RGS7: variants seen among roughly 807,000 people sequenced by gnomAD.
RGS7 encodes the protein regulator of G protein signaling 7.
A neutral mutation model predicts 81.1 loss-of-function variants in RGS7; 27 were observed. The observed-to-expected ratio is 0.33, with a 90% CI of 0.25 to 0.46. The LOEUF is 0.46. Ranked by LOEUF, RGS7 falls within the 20% of genes least tolerant of loss-of-function variation. The pLI is 1.00. For missense variants in RGS7, 396 were observed against 607.4 expected (o/e 0.65, Z 3.66); for synonymous variants, 208 against 207.7 (o/e 1.00, Z -0.01).
At chr1:240,803,093 G>A (rs1370730733) in intron 15 of RGS7, 100 bp from the exon 16 acceptor site, 12 of 799,290 alleles carry the variant, frequency 1.5e-5, no homozygotes, top group South Asian at 8.3e-5. Context: ...TAGTAGCAGC[G>A]AAAAATAGTA....
intron 2 of RGS7, among the ~76,000 whole-genome samples, chr1:241,136,965 T>G (rs2103066726): frequency 6.6e-6 from 1 of 152,310 alleles, no homozygotes; most frequent in Non-Finnish European, 1.5e-5. Context: ...TGATGCCTAC[T>G]GAAGCAAACG....
chr1:240,898,931 G>A (rs951001173), intron 6 of RGS7, among the ~76,000 whole-genome samples: 24 of 152,198 alleles, frequency 1.6e-4, no homozygotes, highest in African/African-American at 5.5e-4. Context: ...TCTCTTTGTA[G>A]GTCTCTAAGG....
rs574121133 is a variant in RGS7, at chr1:241,190,575, T to C, written c.79-91813A>G. ...ACCTAAATATTTACTTTAAAATGTT[T>C]CTGATTATTGTAAATGGTGTTATAA... On this transcript the variant is annotated intron_variant, in intron 2 of 18. Transcript: ENST00000440928. 2.6e-5 allele frequency among the ~76,000 whole-genome samples: 4 copies of C among 152,372 alleles called. No individual in the cohort carries two copies. In the South Asian group the frequency reaches 6.2e-4, roughly 24 times the overall value.
At chr1:241,292,959 A>G (rs956019804) in intron 2 of RGS7, among the ~76,000 whole-genome samples, 1 of 152,262 alleles carries the variant, frequency 6.6e-6, no homozygotes, top group African/African-American at 2.4e-5. Flanking sequence ...CTCAAATACC[A>G]TTAAACGCAT....
intron 2 of RGS7, among the ~76,000 whole-genome samples, chr1:241,245,916 A>C (rs1484674118): frequency 6.6e-6 from 1 of 151,914 alleles, no homozygotes; most frequent in Non-Finnish European, 1.5e-5. Flanking sequence ...CATCCTGGCT[A>C]ACATGGTGAA....
chr1:241,195,836 C>A (rs1382322766), intron 2 of RGS7, among the ~76,000 whole-genome samples: 2 of 151,704 alleles, frequency 1.3e-5, no homozygotes, highest in Admixed American at 6.6e-5. Flanking sequence ...AAAGAGCATG[C>A]AAAATTTATG....
chr1:241,024,736 T>C (rs1052953929), intron 3 of RGS7, among the ~76,000 whole-genome samples: 1 of 152,198 alleles, frequency 6.6e-6, no homozygotes, highest in Non-Finnish European at 1.5e-5. Context: ...TGTATATTGA[T>C]GCTCAAAAAG....
chr1:241,025,455 G>C (rs1253063290), intron 3 of RGS7, among the ~76,000 whole-genome samples: 4 of 152,142 alleles, frequency 2.6e-5, no homozygotes, highest in African/African-American at 9.7e-5. Context: ...TCAGTCATTT[G>C]TCCAAGGTCA....
chr1:241,274,994 CTG>C (rs2078117396), intron 2 of RGS7, among the ~76,000 whole-genome samples: 1 of 152,184 alleles, frequency 6.6e-6, no homozygotes. Flanking sequence ...TCTATATTAT[CTG>C]AATAGCTACT....
chr1:240,823,266 T>A, intron 10 of RGS7: 1 of 650,136 alleles, frequency 1.5e-6, no homozygotes, highest in Non-Finnish European at 2.9e-6. Flanking sequence ...AAAGGCCATC[T>A]CCACTTCCGA....
At chr1:241,045,431 T>G (rs2148785219) in intron 3 of RGS7, among the ~76,000 whole-genome samples, 1 of 152,320 alleles carries the variant, frequency 6.6e-6, no homozygotes, top group East Asian at 1.9e-4. Context: ...TGGTGCGATC[T>G]TGGCTCACTG....
intron 2 of RGS7, among the ~76,000 whole-genome samples, chr1:241,327,850 C>T (rs2081706946): frequency 6.6e-6 from 1 of 152,076 alleles, no homozygotes; most frequent in African/African-American, 2.4e-5. Context: ...TTTCCCAATA[C>T]AATAATTATG....
chr1:241,103,165 G>GTA (rs2064883565), intron 2 of RGS7, among the ~76,000 whole-genome samples: 2 of 151,936 alleles, frequency 1.3e-5, no homozygotes, highest in South Asian at 4.1e-4. Context: ...GTATGTGTGT[G>GTA]TATATATATG....
chr1:241,272,843 C>T (rs1397298356), intron 2 of RGS7, among the ~76,000 whole-genome samples: 1 of 152,118 alleles, frequency 6.6e-6, no homozygotes, highest in Non-Finnish European at 1.5e-5. Flanking sequence ...CTATTAAACC[C>T]ATCAAAAAAA....
chr1:241,178,315 G>C (rs1057172742), intron 2 of RGS7, among the ~76,000 whole-genome samples: 5 of 151,990 alleles, frequency 3.3e-5, no homozygotes. Flanking sequence ...AAGTAAAAAA[G>C]AAAAAAGAAA....
chr1:240,936,931 C>A (rs1676730621), intron 4 of RGS7, among the ~76,000 whole-genome samples: 1 of 152,136 alleles, frequency 6.6e-6, no homozygotes, highest in Admixed American at 6.6e-5. Flanking sequence ...CAGTCTGTAA[C>A]TCACATCTCT....
At chr1:241,195,432 C>T (rs1325392732) in intron 2 of RGS7, among the ~76,000 whole-genome samples, 1 of 151,972 alleles carries the variant, frequency 6.6e-6, no homozygotes, top group African/African-American at 2.4e-5. Context: ...GCCGAGATCG[C>T]GCCATTGCAC....
intron 3 of RGS7, among the ~76,000 whole-genome samples, chr1:241,013,714 G>A (rs1488398272): frequency 6.6e-6 from 1 of 152,100 alleles, no homozygotes; most frequent in Non-Finnish European, 1.5e-5. Context: ...TCCCACTCAG[G>A]CAAAGCAAAA....
chr1:241,306,777 A>C (rs954493553), intron 2 of RGS7, among the ~76,000 whole-genome samples: 1 of 152,046 alleles, frequency 6.6e-6, no homozygotes, highest in Non-Finnish European at 1.5e-5. Context: ...ACCTTTACAC[A>C]CACATCCTCA....
Sources: allele counts gnomAD v4.1 joint callset (sites outside exome capture counted in the v4.1 genomes callset), GRCh38; gene constraint gnomAD v4.1.1; transcripts MANE v1.5; gene names NCBI Gene and HGNC (gene_info 2026-07-23, HGNC 2026-07-21).